Variants in ERGIC1 observed in about 807,000 individuals in gnomAD.
ERGIC1 encodes endoplasmic reticulum-Golgi intermediate compartment protein 1.
ERGIC1 carries 19 observed loss-of-function variants against 38.3 expected under a neutral mutation model. The ratio of observed to expected loss-of-function variants is 0.50; its 90% confidence interval spans 0.35 to 0.73. The LOEUF (loss-of-function observed/expected upper bound fraction) is 0.73. Ranked by LOEUF, ERGIC1 falls within the 30% of genes least tolerant of loss-of-function variation. The pLI, the probability that ERGIC1 is intolerant of heterozygous loss-of-function variation, is 0.01. For synonymous variants in ERGIC1, 124 were observed against 157.6 expected, an observed-to-expected ratio of 0.79 and a Z score of 1.60; for missense variants, 294 against 389.2, an observed-to-expected ratio of 0.76 and a Z score of 2.06.
At chr5:172,939,042 G>A (rs941284178) in intron 9 of ERGIC1, among the ~76,000 whole-genome samples, 9 of 151,700 alleles carry the variant, frequency 5.9e-5, no homozygotes, top group Non-Finnish European at 1.2e-4. Flanking sequence ...GGGTCTGGGC[G>A]ATAGAGTGAG....
intron 9 of ERGIC1, among the ~76,000 whole-genome samples, chr5:172,943,363 G>C (rs1372959101): frequency 1.3e-5 from 2 of 150,772 alleles, no homozygotes; most frequent in Non-Finnish European, 3.0e-5. Context: ...GCCTTTCCAG[G>C]GCCCAGTCAA....
Position 172,861,363 on chromosome 5 carries a change from C to G in ERGIC1, c.20+26930C>G, listed in dbSNP as rs113804992. Reference sequence around the variant, plus strand: ...CACGTGTTCTCTTTCATAGCTCCTCCCACCCTCTGGAACAGTCCCATCTCC... The same window carrying G: ...CACGTGTTCTCTTTCATAGCTCCTCGCACCCTCTGGAACAGTCCCATCTCC... On this transcript the variant is annotated intron_variant, in intron 1 of 9. Transcript: ENST00000393784. 3.1e-3 allele frequency among the ~76,000 whole-genome samples: 478 copies of G among 152,326 alleles called. 2 individuals are homozygous for G. Among genetic ancestry groups the G allele is most frequent in the African/African-American group, 0.011 (440 of 41,562 alleles).
At chr5:172,936,270 G>C (rs1376873270) in intron 9 of ERGIC1, 1 of 152,238 alleles carries the variant, frequency 6.6e-6, no homozygotes, top group African/African-American at 2.4e-5. Flanking sequence ...CTTCGGATCT[G>C]CTTTCCGCTA....
chr5:172,893,764 G>C lies in ERGIC1; in HGVS notation c.83-3238G>C, dbSNP rs1413879660. ...GCCGTTCGAAAATGAAGGAAAACAC[G>C]GCCACTCAGTAAACTGATGTGGAAC... On this transcript the variant is annotated intron_variant, in intron 2 of 9. Coordinates refer to ENST00000393784, the MANE Select transcript of ERGIC1 (RefSeq NM_001031711.3). Among the ~76,000 whole-genome samples, 3 of 149,776 alleles carry C rather than the reference G, an allele frequency of 2.0e-5. No individual in the cohort carries two copies. In the South Asian group the frequency reaches 6.4e-4, roughly 32 times the overall value.
chr5:172,834,959 T>A lies in ERGIC1; in HGVS notation c.20+526T>A, dbSNP rs895123857. Among the ~76,000 whole-genome samples the A allele has an allele frequency of 2.0e-5, 3 of 151,002 alleles. No homozygotes were observed. Among genetic ancestry groups the A allele is most frequent in the Admixed American group, 6.6e-5 (1 of 15,200 alleles). On this transcript the variant is annotated intron_variant, in intron 1 of 9. Transcript: ENST00000393784. This position sits in a 1 kb window ranked among gnomAD's most constrained non-coding sequence, Gnocchi z 4.1. ...AGATCGGGAGGCCTGCCCCCGCCCC[T>A]CCCTCCCTCAGCCCCAGCCCTGTCC...
chr5:172,855,466 G>A (rs1230084901), intron 1 of ERGIC1, among the ~76,000 whole-genome samples: 2 of 152,188 alleles, frequency 1.3e-5, no homozygotes, highest in Non-Finnish European at 2.9e-5. Flanking sequence ...TGCTGAGGCT[G>A]GAGTACCTGG....
At chr5:172,881,142 G>A (rs1464007888) in intron 1 of ERGIC1, among the ~76,000 whole-genome samples, 1 of 152,178 alleles carries the variant, frequency 6.6e-6, no homozygotes, top group Non-Finnish European at 1.5e-5. Flanking sequence ...AGCTACTCGG[G>A]AGGCTGAGGC....
intron 1 of ERGIC1, among the ~76,000 whole-genome samples, chr5:172,875,797 G>A (rs1271684271): frequency 6.6e-6 from 1 of 152,144 alleles, no homozygotes; most frequent in Admixed American, 6.5e-5. Context: ...TCACTATGTT[G>A]CCCAGGGAAC....
chr5:172,850,156 C>T (rs937741050), intron 1 of ERGIC1, among the ~76,000 whole-genome samples: 1 of 152,168 alleles, frequency 6.6e-6, no homozygotes, highest in Non-Finnish European at 1.5e-5. Flanking sequence ...TTCCACCTTT[C>T]GGGCCTGCCT....
chr5:172,893,905 ATGTGTGTGTGTGTG>A (rs1554110394), intron 2 of ERGIC1, among the ~76,000 whole-genome samples: 2 of 15,520 alleles, frequency 1.3e-4, no homozygotes, highest in African/African-American at 2.2e-4. Context: ...ATATATATAT[ATGTGTGTGTGTGTG>A]TGTGTGTGTG....
chr5:172,915,121 C>T (rs1307100221), intron 5 of ERGIC1: 1 of 691,980 alleles, frequency 1.4e-6, no homozygotes, highest in Non-Finnish European at 2.7e-6. Flanking sequence ...CAGCCCCCAG[C>T]CCTGGGTTCA....
intron 1 of ERGIC1, among the ~76,000 whole-genome samples, chr5:172,877,857 G>C (rs999027641): frequency 1.4e-4 from 21 of 152,138 alleles, no homozygotes; most frequent in African/African-American, 4.8e-4. Flanking sequence ...CAGGCCCTGC[G>C]TGACCCACAG....
chr5:172,938,344 T>G (rs915213581), intron 9 of ERGIC1, among the ~76,000 whole-genome samples: 1 of 152,204 alleles, frequency 6.6e-6, no homozygotes, highest in Non-Finnish European at 1.5e-5. Context: ...GTACATTGAC[T>G]ATAGCAGAGA....
In ERGIC1 at chr5:172,922,639, G is replaced by A. The variant is rs987202181; in HGVS notation, c.376-1366G>A. ...CCACACTGGATGCTGTTCCCGGCACGGCAGGAGACCAGACAGGAAGCAGCA... is the reference window on the plus strand; with the variant it reads ...CCACACTGGATGCTGTTCCCGGCACAGCAGGAGACCAGACAGGAAGCAGCA... On this transcript the variant is annotated intron_variant, in intron 5 of 9. Transcript: ENST00000393784. 4.6e-5 allele frequency among the ~76,000 whole-genome samples: 7 copies of A among 152,328 alleles called. No homozygotes were observed. The East Asian group carries it at 7.7e-4, about 17-fold the overall frequency.
At chr5:172,893,925 G>GTATATATATA (rs1762644336) in intron 2 of ERGIC1, among the ~76,000 whole-genome samples, 1 of 63,394 alleles carries the variant, frequency 1.6e-5, no homozygotes, top group African/African-American at 5.8e-5. Flanking sequence ...GTGTGTGTGT[G>GTATATATATA]TGTGTGTGTG....
chr5:172,933,106 C>T (rs1430143430), intron 8 of ERGIC1: 1 of 152,712 alleles, frequency 6.5e-6, no homozygotes, highest in Non-Finnish European at 1.5e-5. Flanking sequence ...GGTCTCAAGA[C>T]AAGACAGCCT....
intron 1 of ERGIC1, among the ~76,000 whole-genome samples, chr5:172,883,097 G>A (rs753203034): frequency 3.5e-4 from 54 of 152,150 alleles, no homozygotes; most frequent in Non-Finnish European, 3.1e-4. Flanking sequence ...GTGTGATTAA[G>A]TGGCATCTCT....
intron 1 of ERGIC1, among the ~76,000 whole-genome samples, chr5:172,866,803 C>T (rs546080911): frequency 4.6e-5 from 7 of 152,340 alleles, no homozygotes; most frequent in African/African-American, 7.2e-5. Flanking sequence ...GGGCCTTCCC[C>T]GATGCTTATC....
chr5:172,881,694 A>C (rs576033343), intron 1 of ERGIC1, among the ~76,000 whole-genome samples: 1 of 152,346 alleles, frequency 6.6e-6, no homozygotes, highest in South Asian at 2.1e-4. Flanking sequence ...TTAGATCTGG[A>C]TTCAGATCTC....
Sources: gnomAD v4.1 joint callset for allele counts (sites outside exome capture counted in the v4.1 genomes callset) on GRCh38, gnomAD v4.1.1 for gene constraint, Gnocchi (gnomAD v3.1) non-coding constraint, MANE v1.5 for transcripts, NCBI Gene and HGNC (gene_info 2026-07-23, HGNC 2026-07-21) for gene names.